The following COMMD1 variants were observed in gnomAD, a reference collection of about 807,000 sequenced individuals.
COMMD1 encodes COMM domain-containing protein 1.
COMMD1 carries 10 observed loss-of-function variants against 17.2 expected under a neutral mutation model. The ratio of observed to expected loss-of-function variants is 0.58; its 90% CI spans 0.36 to 0.99. The LOEUF (loss-of-function observed/expected upper bound fraction) is 0.99. Ranked by LOEUF, COMMD1 falls within the 50% of genes least tolerant of loss-of-function variation. The pLI, the probability that COMMD1 is intolerant of heterozygous loss-of-function variation, is 0.01. For missense variants in COMMD1, 270 were observed against 231.8 expected (o/e 1.17, Z -1.07); for synonymous variants, 97 against 91.6 (o/e 1.06, Z -0.34).
At chr2:61,905,628 C>T, upstream of COMMD1, 1 of 1,483,736 alleles carries the variant, frequency 6.7e-7, no homozygotes, top group Non-Finnish European at 9.0e-7. Context: ...ACATCTCGGC[C>T]GCCGTGGCGG....
Position 61,893,023 on chromosome 2 carries a change from G to A in COMMD1, n.119+4181G>A, listed in dbSNP as rs1392432615. Among the ~76,000 whole-genome samples the A allele has an allele frequency of 4.6e-5, 7 of 151,776 alleles. 1 individual carries two copies. In the South Asian group the frequency reaches 8.3e-4, roughly 18 times the overall value. ...GCTGGGACTATAGGCATGCGCCACC[G>A]TGGTCGGCTAATTTTGTATTTTTAG... On this transcript the variant is annotated intron_variant and non_coding_transcript_variant, in intron 1 of 2. Coordinates refer to the COMMD1 transcript ENST00000472729.
chr2:62,032,023 A>G (rs1669921313), intron 2 of COMMD1, among the ~76,000 whole-genome samples: 1 of 152,186 alleles, frequency 6.6e-6, no homozygotes. Context: ...AGTATGTATA[A>G]CACAATCTAA....
intron 2 of COMMD1, among the ~76,000 whole-genome samples, chr2:62,026,385 G>A (rs1193882185): frequency 1.3e-5 from 2 of 152,098 alleles, no homozygotes; most frequent in Non-Finnish European, 2.9e-5. Flanking sequence ...AAAAGGGTGG[G>A]TGGTGCCACA....
intron 1 of COMMD1, among the ~76,000 whole-genome samples, chr2:61,927,188 T>A (rs543628064): frequency 2.2e-4 from 34 of 152,322 alleles, no homozygotes; most frequent in Admixed American, 5.2e-4. Context: ...AATAACTGAC[T>A]ACTTAACATC....
chr2:62,033,585 T>TA (rs569138796), intron 2 of COMMD1, among the ~76,000 whole-genome samples: 88 of 148,194 alleles, frequency 5.9e-4, no homozygotes, highest in Middle Eastern at 7.2e-3. Flanking sequence ...TCTGTAAAAT[T>TA]AAAAAAAAAA....
chr2:62,091,510 C>G (rs1671828139), intron 2 of COMMD1, among the ~76,000 whole-genome samples: 1 of 152,202 alleles, frequency 6.6e-6, no homozygotes, highest in South Asian at 2.1e-4. Context: ...TGCTGGGTAT[C>G]CCAGACAATT....
rs190241779 is a variant in COMMD1, at chr2:61,963,030, C to T, written c.181-37671C>T. 3.2e-3 allele frequency among the ~76,000 whole-genome samples: 479 copies of T among 151,412 alleles called. 2 individuals are homozygous for T. Among genetic ancestry groups the T allele is most frequent in the Non-Finnish European group, 4.7e-3 (318 of 67,828 alleles). On this transcript the variant is annotated intron_variant, in intron 1 of 2. Coordinates refer to ENST00000311832, the MANE Select transcript of COMMD1 (RefSeq NM_152516.4). ...ACAAAATTAGCTGGGTGTGGTGGCA[C>T]GCACCTATAATCTCAGCTACTCGGG...
chr2:62,016,268 G>C (rs1669445670), intron 2 of COMMD1, among the ~76,000 whole-genome samples: 1 of 145,492 alleles, frequency 6.9e-6, no homozygotes, highest in Non-Finnish European at 1.5e-5. Flanking sequence ...GAGTGCAGTG[G>C]CACAATCTCG....
At chr2:62,042,524 C>T (rs530294728) in intron 2 of COMMD1, among the ~76,000 whole-genome samples, 181 of 152,260 alleles carry the variant, frequency 1.2e-3, no homozygotes, top group Non-Finnish European at 2.1e-3. Flanking sequence ...CGGGCCGTGC[C>T]GAGTGCAGGG....
rs528346193 is a variant in COMMD1, at chr2:61,964,040, A to G, written c.181-36661A>G. Among the ~76,000 whole-genome samples, 5 of 152,270 alleles carry G rather than the reference A, an allele frequency of 3.3e-5. No homozygotes were observed. The East Asian group carries it at 9.6e-4, about 29-fold the overall frequency. On this transcript the variant is annotated intron_variant, in intron 1 of 2. Transcript: ENST00000311832. ...TTTCCAACCTGTTTTCCAAAATCCA[A>G]CAGATTTTTGATCTGTTTCCCTACT...
At chr2:61,969,463 T>G (rs1238794797) in intron 1 of COMMD1, among the ~76,000 whole-genome samples, 2 of 152,210 alleles carry the variant, frequency 1.3e-5, no homozygotes, top group African/African-American at 4.8e-5. Context: ...TTGGCAGTGT[T>G]GTATATTTTA....
chr2:62,097,684 G>C (rs1047063484), intron 2 of COMMD1, among the ~76,000 whole-genome samples: 1 of 152,080 alleles, frequency 6.6e-6, no homozygotes, highest in African/African-American at 2.4e-5. Flanking sequence ...AAATTGAAAG[G>C]GATTTGATTT....
chr2:62,119,192 G>C (rs1346618327), intron 2 of COMMD1, among the ~76,000 whole-genome samples: 4 of 152,182 alleles, frequency 2.6e-5, no homozygotes, highest in Non-Finnish European at 5.9e-5. Flanking sequence ...GGCCGTGAGA[G>C]AAGATAGCTG....
intron 1 of COMMD1, among the ~76,000 whole-genome samples, chr2:61,992,736 G>T (rs944752092): frequency 6.6e-6 from 1 of 152,134 alleles, no homozygotes. Flanking sequence ...CCATTTCTCA[G>T]GTGCCTTTGG....
chr2:61,960,391 C>T (rs1271854467), intron 1 of COMMD1, among the ~76,000 whole-genome samples: 4 of 152,016 alleles, frequency 2.6e-5, no homozygotes, highest in East Asian at 1.9e-4. Flanking sequence ...CACTAACCTT[C>T]GAGTACAAGG....
chr2:62,091,718 G>A (rs1156793675), intron 2 of COMMD1, among the ~76,000 whole-genome samples: 1 of 152,204 alleles, frequency 6.6e-6, no homozygotes, highest in Non-Finnish European at 1.5e-5. Context: ...CACGGGGCTG[G>A]TGGTTATTTG....
At chr2:61,996,735 G>A (rs930605024) in intron 1 of COMMD1, among the ~76,000 whole-genome samples, 9 of 152,152 alleles carry the variant, frequency 5.9e-5, no homozygotes, top group Non-Finnish European at 1.5e-5. Flanking sequence ...ATCCATTCAA[G>A]TTTGATCATA....
chr2:62,075,015 T>C (rs1332645701), intron 2 of COMMD1, among the ~76,000 whole-genome samples: 1 of 149,812 alleles, frequency 6.7e-6, no homozygotes, highest in East Asian at 2.0e-4. Context: ...TCAGCCTCCC[T>C]AGTAGCTGGA....
intron 1 of COMMD1, among the ~76,000 whole-genome samples, chr2:61,949,893 C>T (rs924517405): frequency 1.3e-5 from 2 of 152,206 alleles, no homozygotes; most frequent in Admixed American, 1.3e-4. Flanking sequence ...CACTGGCTGC[C>T]TGCCTGCAGA....
Sources: gnomAD v4.1 joint callset for allele counts (sites outside exome capture counted in the v4.1 genomes callset) on GRCh38, gnomAD v4.1.1 for gene constraint, MANE v1.5 for transcripts, NCBI Gene and HGNC (gene_info 2026-07-23, HGNC 2026-07-21) for gene names.